Variants in EXTL3 observed in about 807,000 individuals in gnomAD.
The protein encoded by EXTL3 is exostosin-like 3.
In EXTL3, 27 loss-of-function variants were observed where a neutral mutation model predicts 69.3. The observed-to-expected ratio is 0.39, with a 90% CI of 0.29 to 0.54. The LOEUF is 0.54. Ranked by LOEUF, EXTL3 falls within the 20% of genes least tolerant of loss-of-function variation. EXTL3 has a pLI of 0.69. For synonymous variants in EXTL3, 511 were observed against 499.4 expected, an observed-to-expected ratio of 1.02 and a Z score of -0.31; for missense variants, 1,003 against 1,231.8, an observed-to-expected ratio of 0.81 and a Z score of 2.78.
rs1327776532 is a variant in EXTL3 at position 28,701,711 on chromosome 8, G to GGGCT, written c.-570+53_-570+56dup. ...CGAGGAGCGGGGGCCGCGCCCGGAA[G>GGGCT]GGCTCATGGGAGGGTGCCGGGGCTG... On this transcript the variant is annotated intron_variant, in intron 1 of 6. Coordinates refer to ENST00000220562, the MANE Select transcript of EXTL3 (RefSeq NM_001440.4). The GGGCT allele has an allele frequency of 4.6e-5, 7 of 153,466 alleles. No homozygotes were observed. The East Asian group carries it at 7.7e-4, about 17-fold the overall frequency. 9.5% of individuals were successfully genotyped at this position (153,466 alleles called of 1,614,324 possible). A position where few individuals can be genotyped will look rare whatever the true frequency, so the allele number is the denominator to read the frequency against.
At chr8:28,642,522 G>A (rs1245127274) in intron 1 of EXTL3, among the ~76,000 whole-genome samples, 2 of 152,018 alleles carry the variant, frequency 1.3e-5, no homozygotes, top group African/African-American at 2.4e-5. Context: ...GGAGGCTGAG[G>A]TGGGAGGATT....
intron 1 of EXTL3, among the ~76,000 whole-genome samples, chr8:28,679,219 G>A (rs1186049704): frequency 2.6e-5 from 4 of 152,128 alleles, no homozygotes; most frequent in South Asian, 2.1e-4. Flanking sequence ...AGGCTGAGGC[G>A]GGCAGATCAC....
chr8:28,726,020 A>G (rs1439972698), intron 3 of EXTL3, among the ~76,000 whole-genome samples: 1 of 151,072 alleles, frequency 6.6e-6, no homozygotes, highest in East Asian at 1.9e-4. Flanking sequence ...CAGTGGCACA[A>G]TCTCGGCTCA....
chr8:28,644,153 T>C (rs1268039167), intron 1 of EXTL3, among the ~76,000 whole-genome samples: 1 of 152,186 alleles, frequency 6.6e-6, no homozygotes, highest in Non-Finnish European at 1.5e-5. Flanking sequence ...TTTGCATACT[T>C]ATGAGCCTTT....
rs1404602983 is a variant in EXTL3, at chr8:28,641,212, AT to A, written c.-53+18405del. Among the ~76,000 whole-genome samples, 3 of 152,266 alleles carry A rather than the reference AT, an allele frequency of 2.0e-5. No homozygotes were observed. The East Asian group carries it at 5.8e-4, about 29-fold the overall frequency. On this transcript the variant is annotated intron_variant, in intron 1 of 6. Transcript: ENST00000523149. ...TAATGACTGAGTAGATGCCATCTGG[AT>A]TTGATGATCTGGGGAATGCTTATGT...
At chr8:28,634,324 CT>C (rs1806618854) in intron 1 of EXTL3, among the ~76,000 whole-genome samples, 2 of 152,142 alleles carry the variant, frequency 1.3e-5, no homozygotes, top group Admixed American at 1.3e-4. Context: ...TGCCTGGCCC[CT>C]GTCACTTCCT....
chr8:28,743,324 T>C lies in EXTL3; in HGVS notation c.2550+110T>C, dbSNP rs1801818347. 3 of 1,211,894 alleles carry C rather than the reference T, an allele frequency of 2.5e-6. No individual in the cohort carries two copies. The African/African-American group carries it at 4.5e-5, about 18-fold the overall frequency. The allele number at this position is 1,211,894 out of a possible 1,614,324, so 75.1% of individuals were successfully genotyped here. A position where few individuals can be genotyped will look rare whatever the true frequency, so the allele number is the denominator to read the frequency against. On this transcript the variant is annotated intron_variant, in intron 6 of 6. Coordinates refer to ENST00000220562, the MANE Select transcript of EXTL3 (RefSeq NM_001440.4). ...TACCTCAGAGTCCTCATTTGTACAA[T>C]AGGGATGATACTACCTACCTCATCA...
At position 28,716,748 on chromosome 8, in the gene EXTL3, A is replaced by C. The variant is rs1801158060; in HGVS notation, c.689A>C (p.Glu230Ala). 6.2e-7 allele frequency: 1 copy of C among 1,614,126 alleles called. No homozygotes were observed. ...GCACGAGCTAACGTTTATGTTACAGAAAATGCAGACATCGCCTGCCTTTAC... is the reference window on the plus strand; with the variant it reads ...GCACGAGCTAACGTTTATGTTACAGCAAATGCAGACATCGCCTGCCTTTAC... ...ATARANVYVT[E>A]NADIACLYVI... The change falls in exon 3 of 7, where the codon GAA (glutamate) becomes GCA (alanine). Residue 230 changes from glutamate (E) to alanine (A), a missense_variant. Physicochemically the swap from Glu to Ala is moderately radical, Grantham distance 107. Around this residue, in one of 2 missense-constraint regions of EXTL3, gnomAD observed 742 missense variants for 815.4 expected, o/e 0.91. Coordinates refer to ENST00000220562, the MANE Select transcript of EXTL3 (RefSeq NM_001440.4). The surrounding 1 kb of genome is among the most constrained non-coding windows in gnomAD (Gnocchi z 7.1).
At position 28,718,018 on chromosome 8, in the gene EXTL3, G is replaced by A. The variant is rs775682299; in HGVS notation, c.1959G>A (p.Ala653=). 27 of 1,613,878 alleles carry A rather than the reference G, an allele frequency of 1.7e-5. No homozygotes were observed. Among genetic ancestry groups the A allele is most frequent in the Admixed American group, 1.5e-4 (9 of 59,976 alleles). The change falls in exon 3 of 7, where the codon GCG becomes GCA. Residue 653 remains alanine (A), a synonymous_variant. Transcript: ENST00000220562. The part of the protein sequence containing the change: ...AGGSGKEFQA[A]LGGNVPREQF... Reference sequence around the variant, plus strand: ...GTTCTGGCAAGGAATTTCAGGCAGCGCTTGGAGGCAATGTTCCCCGAGAGC... The same window carrying A: ...GTTCTGGCAAGGAATTTCAGGCAGCACTTGGAGGCAATGTTCCCCGAGAGC...
chr8:28,663,090 T>C (rs1298165135), intron 1 of EXTL3, among the ~76,000 whole-genome samples: 2 of 152,240 alleles, frequency 1.3e-5, no homozygotes, highest in African/African-American at 4.8e-5. Flanking sequence ...TCTATCCACA[T>C]GCAATTCAAT....
intron 1 of EXTL3, among the ~76,000 whole-genome samples, chr8:28,686,270 G>T (rs1376495430): frequency 6.6e-6 from 1 of 151,298 alleles, no homozygotes; most frequent in Non-Finnish European, 1.5e-5. Context: ...CATGGGGGTG[G>T]ATCACTTGAG....
chr8:28,697,511 T>C (rs1800702406), upstream of EXTL3: 1 of 152,204 alleles, frequency 6.6e-6, no homozygotes, highest in African/African-American at 2.4e-5. Flanking sequence ...GTCCTGCTTT[T>C]CCTAATTTTT....
intron 2 of EXTL3, among the ~76,000 whole-genome samples, chr8:28,610,156 T>G (rs953921345): frequency 1.3e-5 from 2 of 151,904 alleles, no homozygotes; most frequent in African/African-American, 4.8e-5. Flanking sequence ...TGAGCCAAGA[T>G]CCCACCACTT....
At chr8:28,643,061 T>A (rs1349866638) in intron 1 of EXTL3, among the ~76,000 whole-genome samples, 1 of 152,052 alleles carries the variant, frequency 6.6e-6, no homozygotes, top group African/African-American at 2.4e-5. Context: ...CTGGCCAACA[T>A]GGTGAAACCC....
intron 1 of EXTL3, among the ~76,000 whole-genome samples, chr8:28,653,814 C>T (rs967788646): frequency 1.3e-5 from 2 of 152,158 alleles, no homozygotes; most frequent in Admixed American, 6.5e-5. Context: ...GAAATCAGAA[C>T]ATGTGAGCCC....
chr8:28,738,488 T>C (rs1801700020), intron 5 of EXTL3, among the ~76,000 whole-genome samples: 1 of 152,230 alleles, frequency 6.6e-6, no homozygotes. Flanking sequence ...TTTAACGATG[T>C]AGCTTCTAGA....
rs906003938 is a variant in EXTL3, at chr8:28,753,669, A to G, written c.*2803A>G. On this transcript the variant is annotated 3_prime_UTR_variant, in exon 7 of 7. Coordinates refer to ENST00000220562, the MANE Select transcript of EXTL3 (RefSeq NM_001440.4). ...GGATTTTTGTAAAAAAATAAAAATA[A>G]ATGGAGACTTTAACTCAAGCAGCTT... 2.0e-5 allele frequency: 3 copies of G among 152,636 alleles called. No individual in the cohort carries two copies. Among genetic ancestry groups the G allele is most frequent in the African/African-American group, 7.2e-5 (3 of 41,442 alleles). The allele number at this position is 152,636 out of a possible 1,614,324, so 9.5% of individuals were successfully genotyped here.
rs1343287159 is a variant in EXTL3, at chr8:28,717,107, A to AT, written c.1050dup (p.Glu351Ter). The AT allele has an allele frequency of 3.1e-6, 5 of 1,614,054 alleles. No homozygotes were observed. ...TCTCTTCACCTTCCAGGGCGAGAAG[A>AT]TTGAGTCTCTGAGGTCTAGCCTTCA... is the stretch of plus-strand genomic sequence containing the variant. On this transcript the variant is annotated frameshift_variant, in exon 3 of 7. Coordinates refer to ENST00000220562, the MANE Select transcript of EXTL3 (RefSeq NM_001440.4). LOFTEE classifies it high-confidence loss of function. The surrounding 1 kb of genome is among the most constrained non-coding windows in gnomAD (Gnocchi z 8.3).
chr8:28,647,643 C>T (rs1173050161), intron 1 of EXTL3, among the ~76,000 whole-genome samples: 3 of 152,142 alleles, frequency 2.0e-5, no homozygotes, highest in Non-Finnish European at 1.5e-5. Context: ...CTTTCAGCCT[C>T]TGTGTGAGGC....
Sources: allele counts gnomAD v4.1 joint callset (sites outside exome capture counted in the v4.1 genomes callset), GRCh38; gene constraint gnomAD v4.1.1; regional missense constraint gnomAD v4.1.1; non-coding constraint Gnocchi (gnomAD v3.1); transcripts MANE v1.5; gene names NCBI Gene and HGNC (gene_info 2026-07-23, HGNC 2026-07-21).